The following PTPRD variants were observed in gnomAD, a reference collection of about 807,000 sequenced individuals.
PTPRD encodes the protein protein tyrosine phosphatase receptor type D, also known as receptor-type tyrosine-protein phosphatase delta.
PTPRD carries 34 observed loss-of-function variants against 214.5 expected under a neutral mutation model. The observed-to-expected ratio is 0.16, with a 90% CI of 0.12 to 0.21. The LOEUF is 0.21. PTPRD is among the 10% of genes least tolerant of loss of function. The probability of loss-of-function intolerance (pLI) is 1.00; values close to 1 mark genes in which losing one functional copy is unlikely to be tolerated. For missense variants in PTPRD, 2,545 were observed against 2,398.7 expected, an observed-to-expected ratio of 1.06 and a Z score of -1.27; for synonymous variants, 1,128 against 845.7, an observed-to-expected ratio of 1.33 and a Z score of -5.79.
At chr9:10,448,455 C>G (rs943430562) in intron 2 of PTPRD, among the ~76,000 whole-genome samples, 3 of 151,838 alleles carry the variant, frequency 2.0e-5, no homozygotes, top group African/African-American at 7.3e-5. Flanking sequence ...CAGGTAAGTA[C>G]TAAGTATAAT....
intron 5 of PTPRD, among the ~76,000 whole-genome samples, chr9:9,918,510 A>G (rs1460468571): frequency 6.6e-6 from 1 of 152,096 alleles, no homozygotes; most frequent in Non-Finnish European, 1.5e-5. Flanking sequence ...TTAAATCTCT[A>G]TCAAAATGTC....
At chr9:9,423,497 C>A (rs1435697086) in intron 8 of PTPRD, among the ~76,000 whole-genome samples, 2 of 152,106 alleles carry the variant, frequency 1.3e-5, no homozygotes, top group African/African-American at 4.8e-5. Context: ...TTTTGTATGA[C>A]AACCTAGGGT....
chr9:9,971,476 T>C (rs948352601), intron 4 of PTPRD, among the ~76,000 whole-genome samples: 4 of 152,208 alleles, frequency 2.6e-5, no homozygotes, highest in Non-Finnish European at 4.4e-5. Context: ...TTTTGTATTT[T>C]GAATTTTCCA....
intron 2 of PTPRD, among the ~76,000 whole-genome samples, chr9:10,518,249 C>G (rs1279865181): frequency 6.6e-6 from 1 of 152,026 alleles, no homozygotes; most frequent in East Asian, 1.9e-4. Context: ...CTTTCAATCA[C>G]CAACTACATA....
chr9:10,024,730 T>G (rs1214564116), intron 4 of PTPRD, among the ~76,000 whole-genome samples: 1 of 150,312 alleles, frequency 6.7e-6, no homozygotes. Flanking sequence ...GCTGCACCCA[T>G]TAACTCGTCA....
chr9:10,236,743 T>C (rs1330190285), intron 3 of PTPRD, among the ~76,000 whole-genome samples: 1 of 151,926 alleles, frequency 6.6e-6, no homozygotes, highest in African/African-American at 2.4e-5. Context: ...AATACCTCTA[T>C]TTTGAAATAA....
At chr9:10,422,840 CT>C (rs1226474496) in intron 2 of PTPRD, among the ~76,000 whole-genome samples, 1 of 152,078 alleles carries the variant, frequency 6.6e-6, no homozygotes, top group Non-Finnish European at 1.5e-5. Flanking sequence ...AATAGGAAAG[CT>C]TTTACACTGT....
chr9:9,375,129 G>C (rs76330159), intron 9 of PTPRD, among the ~76,000 whole-genome samples: 2,142 of 152,108 alleles, frequency 0.014, 59 homozygotes, highest in African/African-American at 0.049. Context: ...AACAAAACTT[G>C]AAAGAAACAT....
intron 11 of PTPRD, among the ~76,000 whole-genome samples, chr9:8,762,311 G>A (rs1421069623): frequency 6.6e-6 from 1 of 152,084 alleles, no homozygotes; most frequent in Non-Finnish European, 1.5e-5. Context: ...CCTACTGACA[G>A]TATAAAAGAA....
At chr9:8,829,237 C>T (rs993455107) in intron 11 of PTPRD, among the ~76,000 whole-genome samples, 3 of 152,100 alleles carry the variant, frequency 2.0e-5, no homozygotes, top group African/African-American at 7.2e-5. Flanking sequence ...TTCCATCACC[C>T]CAGAAAGCTT....
intron 2 of PTPRD, among the ~76,000 whole-genome samples, chr9:10,517,142 G>C (rs537077777): frequency 7.9e-5 from 12 of 151,856 alleles, no homozygotes; most frequent in Non-Finnish European, 1.3e-4. Flanking sequence ...CACTGAATCT[G>C]TAGATAATTT....
intron 2 of PTPRD, among the ~76,000 whole-genome samples, chr9:10,434,672 A>G (rs1472070269): frequency 6.6e-6 from 1 of 151,970 alleles, no homozygotes; most frequent in Non-Finnish European, 1.5e-5. Flanking sequence ...AGCAGGAGTT[A>G]AATAACTTTT....
At chr9:8,750,233 C>T (rs997025170) in intron 11 of PTPRD, among the ~76,000 whole-genome samples, 1 of 152,090 alleles carries the variant, frequency 6.6e-6, no homozygotes, top group Non-Finnish European at 1.5e-5. Context: ...TCTCAGCTCA[C>T]TGCAACCTCT....
intron 5 of PTPRD, among the ~76,000 whole-genome samples, chr9:9,916,914 T>C (rs1399094098): frequency 2.0e-5 from 3 of 151,776 alleles, no homozygotes; most frequent in Admixed American, 6.6e-5. Flanking sequence ...AAGAGGAACA[T>C]TTGAAATAAT....
intron 10 of PTPRD, among the ~76,000 whole-genome samples, chr9:9,081,877 T>C (rs1021432368): frequency 1.3e-5 from 2 of 151,778 alleles, no homozygotes. Context: ...CATGCCTTTA[T>C]TTTGAGCGTA....
At chr9:10,284,943 GA>G (rs2095293656) in intron 3 of PTPRD, among the ~76,000 whole-genome samples, 1 of 152,154 alleles carries the variant, frequency 6.6e-6, no homozygotes, top group Non-Finnish European at 1.5e-5. Flanking sequence ...AACATAATCT[GA>G]ATGAGTCTTC....
intron 5 of PTPRD, among the ~76,000 whole-genome samples, chr9:9,820,897 AG>A (rs912748401): frequency 6.6e-6 from 1 of 152,138 alleles, no homozygotes; most frequent in African/African-American, 2.4e-5. Context: ...CTTGCAGCAT[AG>A]TTTGAAACTG....
chr9:8,783,917 C>T (rs1008499772), intron 11 of PTPRD, among the ~76,000 whole-genome samples: 2 of 152,188 alleles, frequency 1.3e-5, no homozygotes, highest in African/African-American at 4.8e-5. Context: ...TACATCCTAA[C>T]ACAGCTTAAA....
intron 8 of PTPRD, among the ~76,000 whole-genome samples, chr9:9,535,512 C>T (rs1480764155): frequency 6.6e-6 from 1 of 152,112 alleles, no homozygotes; most frequent in Non-Finnish European, 1.5e-5. Flanking sequence ...CACCAAAACT[C>T]TATCCCAGAG....
Sources: gnomAD v4.1 joint callset for allele counts (sites outside exome capture counted in the v4.1 genomes callset) on GRCh38, gnomAD v4.1.1 for gene constraint, MANE v1.5 for transcripts, NCBI Gene and HGNC (gene_info 2026-07-23, HGNC 2026-07-21) for gene names.